LRP5: variants seen among roughly 807,000 people sequenced by gnomAD.
LRP5 encodes the protein low-density lipoprotein receptor-related protein 5.
In LRP5, 62 loss-of-function variants were observed where a neutral mutation model predicts 154.1. That is an observed-to-expected ratio of 0.40 (90% CI 0.33 to 0.50). The LOEUF (loss-of-function observed/expected upper bound fraction) is 0.50. Among genes scored for constraint, LRP5 ranks in the 20% least tolerant of loss-of-function variants. LRP5 has a pLI of 0.55. For synonymous variants in LRP5, 966 were observed against 1,011.5 expected, an observed-to-expected ratio of 0.96 and a Z score of 0.85; for missense variants, 1,915 against 2,336.7, an observed-to-expected ratio of 0.82 and a Z score of 3.72.
At chr11:68,416,830 G>C (rs2098662808) in intron 13 of LRP5, among the ~76,000 whole-genome samples, 1 of 152,216 alleles carries the variant, frequency 6.6e-6, no homozygotes, top group Admixed American at 6.5e-5. Flanking sequence ...AGGGGTAGTT[G>C]GTACTGGTTA....
intron 5 of LRP5, among the ~76,000 whole-genome samples, chr11:68,371,981 T>TC (rs1447978505): frequency 6.6e-6 from 1 of 152,190 alleles, no homozygotes; most frequent in African/African-American, 2.4e-5. Flanking sequence ...AGGTCCAGTG[T>TC]CCGGGGGTGA....
At position 68,410,129 on chromosome 11, in the gene LRP5, T is replaced by C. The variant is rs1160573022; in HGVS notation, c.2307T>C (p.Asp769=). The C allele has an allele frequency of 6.2e-7, 1 of 1,613,688 alleles. No homozygotes were observed. Residue 769 remains aspartate (D), a synonymous_variant, in exon 10 of 23, where the codon GAT becomes GAC. Transcript: ENST00000294304. ...ACAACCCGAGGTCGCTGGCCCTGGA[T>C]CCCACCAAGGGGTAAGTGTTTGCCT... is the stretch of plus-strand genomic sequence containing the variant. ...DLDNPRSLAL[D]PTKGYIYWTE...
intron 1 of LRP5, among the ~76,000 whole-genome samples, chr11:68,322,438 T>C (rs2098597262): frequency 6.6e-6 from 1 of 152,196 alleles, no homozygotes; most frequent in Admixed American, 6.5e-5. Context: ...CATCACATCC[T>C]TCCCTTTCTC....
At chr11:68,444,553 T>TGG (rs60414649) in intron 21 of LRP5, among the ~76,000 whole-genome samples, 139,654 of 139,662 alleles carry the variant, frequency 1, 69,823 homozygotes, top group Middle Eastern at 1. Flanking sequence ...ATGAGCCGAG[T>TGG]GGCCTCCCCA....
At chr11:68,397,243 C>T (rs2098649935) in intron 7 of LRP5, among the ~76,000 whole-genome samples, 1 of 152,156 alleles carries the variant, frequency 6.6e-6, no homozygotes, top group Non-Finnish European at 1.5e-5. Context: ...CCCTTCTCCC[C>T]TCTACCCTGC....
intron 21 of LRP5, chr11:68,445,472 CTGTCTG>C: frequency 7.9e-6 from 4 of 509,402 alleles, no homozygotes; most frequent in South Asian, 3.6e-5. Flanking sequence ...TCACCCGGGT[CTGTCTG>C]GCGTGAAAGG....
intron 5 of LRP5, among the ~76,000 whole-genome samples, chr11:68,372,790 G>C (rs2098634991): frequency 6.6e-6 from 1 of 152,114 alleles, no homozygotes; most frequent in African/African-American, 2.4e-5. Context: ...TGGGGTGGGT[G>C]AAGGGGCAGT....
intron 1 of LRP5, among the ~76,000 whole-genome samples, chr11:68,329,255 G>A (rs531207073): frequency 6.6e-6 from 1 of 152,318 alleles, no homozygotes; most frequent in East Asian, 1.9e-4. Flanking sequence ...GACAAAAATA[G>A]CTAACATTTG....
intron 13 of LRP5, among the ~76,000 whole-genome samples, chr11:68,421,060 A>AC (rs2098665288): frequency 6.6e-6 from 1 of 152,034 alleles, no homozygotes; most frequent in Non-Finnish European, 1.5e-5. Context: ...CCCCGTCTCT[A>AC]CTAAAAATAC....
At chr11:68,425,471 A>G (rs1591312390) in intron 15 of LRP5, among the ~76,000 whole-genome samples, 179 bp downstream of exon 15, 1 of 152,228 alleles carries the variant, frequency 6.6e-6, no homozygotes, top group Non-Finnish European at 1.5e-5. Context: ...TGAGCCCCAC[A>G]GGGCAGAGGC....
chr11:68,417,238 C>T (rs1319703639), intron 13 of LRP5, among the ~76,000 whole-genome samples: 1 of 152,010 alleles, frequency 6.6e-6, no homozygotes, highest in Non-Finnish European at 1.5e-5. Context: ...TCACCCCAGG[C>T]GTGGAGAAGA....
intron 5 of LRP5, among the ~76,000 whole-genome samples, chr11:68,366,807 C>T (rs2098631323): frequency 6.6e-6 from 1 of 152,124 alleles, no homozygotes; most frequent in African/African-American, 2.4e-5. Context: ...CTTGGGCGGC[C>T]TAGTCCTCAC....
intron 7 of LRP5, among the ~76,000 whole-genome samples, chr11:68,397,341 T>C (rs1591276482): frequency 6.6e-6 from 1 of 152,260 alleles, no homozygotes; most frequent in South Asian, 2.1e-4. Flanking sequence ...GGCATCTCTG[T>C]GGGTCTCTGA....
At position 68,347,942 on chromosome 11, in the gene LRP5, G is replaced by A; in HGVS notation, c.187G>A (p.Glu63Lys). 4 of 1,614,030 alleles carry A rather than the reference G, an allele frequency of 2.5e-6. No individual in the cohort carries two copies. Among genetic ancestry groups the A allele is most frequent in the Non-Finnish European group, 3.4e-6 (4 of 1,180,048 alleles). ...LESTIVVSGLEDAAAVDFQFS... is the reference protein window; with the variant it reads ...LESTIVVSGLKDAAAVDFQFS... ...GTCCACCATCGTGGTCAGCGGCCTG[G>A]AGGATGCGGCCGCAGTGGACTTCCA... Residue 63 changes from glutamate (E) to lysine (K), a missense_variant, in exon 2 of 23, where the codon GAG (glutamate) becomes AAG (lysine). Physicochemically the swap from Glu to Lys is moderately conservative, Grantham distance 56. Around this residue, in one of 3 missense-constraint regions of LRP5, gnomAD observed 773 missense variants for 1,100.9 expected, o/e 0.70. Transcript: ENST00000294304.
At chr11:68,310,775 G>A (rs76040605), upstream of LRP5, among the ~76,000 whole-genome samples, 8 of 136,364 alleles carry the variant, frequency 5.9e-5, no homozygotes, top group African/African-American at 8.7e-5. Flanking sequence ...AAAAAAAAAA[G>A]AGTCCCAGCA....
intron 13 of LRP5, among the ~76,000 whole-genome samples, chr11:68,420,139 G>A (rs898376883): frequency 2.0e-5 from 3 of 152,160 alleles, no homozygotes; most frequent in African/African-American, 4.8e-5. Context: ...GTCAGTTCAC[G>A]AGGTAACCAT....
intron 22 of LRP5, 46 bp downstream of exon 22, chr11:68,446,579 G>T: frequency 6.6e-7 from 1 of 1,507,490 alleles, no homozygotes. Context: ...GTTCCCGCCA[G>T]CCCGTGGTGG....
At chr11:68,314,691 G>T (rs1187261803) in intron 1 of LRP5, among the ~76,000 whole-genome samples, 1 of 152,214 alleles carries the variant, frequency 6.6e-6, no homozygotes, top group East Asian at 1.9e-4. Context: ...TTGTTCCAGG[G>T]CCGGCCTGTC....
rs770919090 is a variant in LRP5, at chr11:68,414,001, G to T, written c.2816G>T (p.Arg939Leu). 7 of 1,603,362 alleles carry T rather than the reference G, an allele frequency of 4.4e-6. No homozygotes were observed. The highest frequency in any genetic ancestry group is 5.9e-6 in the Non-Finnish European group (7 of 1,179,710). ...ASHYTLDPSS[R>L]NCSPPTTFLL... ...CACTACACCCTGGACCCCAGCAGCC[G>T]CAACTGCAGCCGTAAGTGCCTCATG... Residue 939 changes from arginine (R) to leucine (L), a missense_variant, in exon 12 of 23, where the codon CGC becomes CTC. Coordinates refer to ENST00000294304, the MANE Select transcript of LRP5 (RefSeq NM_002335.4).
Sources: gnomAD v4.1 joint callset for allele counts (sites outside exome capture counted in the v4.1 genomes callset) on GRCh38, gnomAD v4.1.1 for gene constraint, gnomAD v4.1.1 regional missense constraint, MANE v1.5 for transcripts, NCBI Gene and HGNC (gene_info 2026-07-23, HGNC 2026-07-21) for gene names.